DYNLT1: variants seen among roughly 807,000 people sequenced by gnomAD.
DYNLT1 encodes dynein light chain Tctex-type 1, also known as T-complex testis-specific protein 1 homolog.
DYNLT1 carries 18 observed loss-of-function variants against 19.6 expected under a neutral mutation model. That is an observed-to-expected ratio of 0.92 (90% CI 0.64 to 1.36). The LOEUF is 1.36. Ranked by LOEUF, DYNLT1 falls within the 40% of genes most tolerant of loss-of-function variation. The probability of loss-of-function intolerance (pLI) is 0.00; values close to 1 mark genes in which losing one functional copy is unlikely to be tolerated. For synonymous variants in DYNLT1, 56 were observed against 44.0 expected (o/e 1.27, Z -1.07); for missense variants, 137 against 139.3 (o/e 0.98, Z 0.08).
At chr6:158,643,254 TAGTAAC>T (rs1267235075) in intron 1 of DYNLT1, among the ~76,000 whole-genome samples, 2 of 152,216 alleles carry the variant, frequency 1.3e-5, no homozygotes, top group Non-Finnish European at 2.9e-5. Flanking sequence ...AATATTATAT[TAGTAAC>T]AGTTTAAGGG....
chr6:158,638,308 A>T (rs988914442), intron 2 of DYNLT1, among the ~76,000 whole-genome samples: 1 of 152,272 alleles, frequency 6.6e-6, no homozygotes, highest in Non-Finnish European at 1.5e-5. Flanking sequence ...AAATAATCAT[A>T]TATTAAAAAA....
intron 2 of DYNLT1, 47 bp from the exon 3 acceptor site, chr6:158,637,941 ACAC>A: frequency 6.3e-7 from 1 of 1,592,584 alleles, no homozygotes; most frequent in African/African-American, 1.3e-5. Context: ...AAATGCACCC[ACAC>A]CACCTTTCAA....
chr6:158,644,334 G>A (rs953667776), intron 1 of DYNLT1, among the ~76,000 whole-genome samples: 3 of 152,052 alleles, frequency 2.0e-5, no homozygotes, highest in African/African-American at 7.2e-5. Flanking sequence ...AGCAAGGGGC[G>A]GTGATGTCAT....
At chr6:158,638,194 A>C (rs1787062270) in intron 2 of DYNLT1, among the ~76,000 whole-genome samples, 1 of 152,052 alleles carries the variant, frequency 6.6e-6, no homozygotes, top group Non-Finnish European at 1.5e-5. Context: ...TTGCCTATTC[A>C]TTTCTTAAAA....
chr6:158,644,684 C>T lies in DYNLT1; in HGVS notation c.25G>A (p.Glu9Lys). The change falls in exon 1 of 5, where the codon GAG becomes AAG. Residue 9 changes from glutamate (E) to lysine (K), a missense_variant and splice_region_variant. Transcript: ENST00000367089. ...TCCGTCGCCGACCCGGCGGTTACCT[C>T]CTCCGCAGCCTGGTAGTCTTCCATC... MEDYQAAE[E>K]TAFVVDEVSN... 1 of 1,612,154 alleles carries T rather than the reference C, an allele frequency of 6.2e-7. No homozygotes were observed. The highest frequency in any genetic ancestry group is 1.7e-5 in the Admixed American group (1 of 60,020).
rs1474945204 is a variant in DYNLT1 at position 158,636,536 on chromosome 6, C to A, written c.*291G>T. The A allele has an allele frequency of 1.1e-5, 4 of 349,450 alleles. No homozygotes were observed. Among genetic ancestry groups the A allele is most frequent in the Non-Finnish European group, 2.1e-5 (4 of 186,248 alleles). 21.6% of individuals were successfully genotyped at this position (349,450 alleles called of 1,614,324 possible). ...GTATGGAAAATTAGTGTATTTGAAT[C>A]ATTTCAGAGAGTAGAGCAAGTTTCA... On this transcript the variant is annotated 3_prime_UTR_variant, in exon 5 of 5. Coordinates refer to ENST00000367089, the MANE Select transcript of DYNLT1 (RefSeq NM_006519.4).
chr6:158,637,943 A>G (rs767900629), intron 2 of DYNLT1, 49 bp from the exon 3 acceptor site: 7 of 1,591,902 alleles, frequency 4.4e-6, no homozygotes, highest in African/African-American at 4.0e-5. Flanking sequence ...ATGCACCCAC[A>G]CCACCTTTCA....
intron 2 of DYNLT1, 51 bp downstream of exon 2, chr6:158,641,268 T>C: frequency 1.3e-6 from 2 of 1,497,720 alleles, no homozygotes; most frequent in South Asian, 1.3e-5. Flanking sequence ...CACATTATTT[T>C]CTCTAATATA....
intron 1 of DYNLT1, chr6:158,641,637 T>C (rs561087358): frequency 3.6e-4 from 77 of 213,314 alleles, no homozygotes; most frequent in Non-Finnish European, 5.8e-4. Flanking sequence ...AGTGGCGCAA[T>C]CTCAGCTCAC....
At chr6:158,641,246 T>A in intron 2 of DYNLT1, 73 bp downstream of exon 2, 1 of 1,378,026 alleles carries the variant, frequency 7.3e-7, no homozygotes, top group African/African-American at 1.5e-5. Flanking sequence ...AATTCCAAGA[T>A]AGTATTTAAA....
At chr6:158,637,262 C>A in intron 3 of DYNLT1, 57 bp from the exon 4 acceptor site, 1 of 1,520,288 alleles carries the variant, frequency 6.6e-7, no homozygotes, top group Non-Finnish European at 9.1e-7. Flanking sequence ...AAATGTCATT[C>A]TGTCCACTTT....
At chr6:158,642,733 C>T (rs543289502) in intron 1 of DYNLT1, 6 of 152,268 alleles carry the variant, frequency 3.9e-5, no homozygotes, top group South Asian at 4.1e-4. Flanking sequence ...ACTACCGTGA[C>T]CTTAATCACA....
At chr6:158,643,770 T>A (rs1787231350) in intron 1 of DYNLT1, among the ~76,000 whole-genome samples, 1 of 152,226 alleles carries the variant, frequency 6.6e-6, no homozygotes, top group Non-Finnish European at 1.5e-5. Context: ...CGTGAGCCAC[T>A]GCGCCCAGCC....
chr6:158,643,626 C>G (rs960741707), intron 1 of DYNLT1, among the ~76,000 whole-genome samples: 7 of 152,152 alleles, frequency 4.6e-5, no homozygotes, highest in Non-Finnish European at 1.0e-4. Context: ...GGATTACAGG[C>G]ATGCGCCACC....
chr6:158,637,379 G>GACTT (rs904809280), intron 3 of DYNLT1, 174 bp from the exon 4 acceptor site: 2 of 642,412 alleles, frequency 3.1e-6, no homozygotes, highest in African/African-American at 3.7e-5. Context: ...GGTGCTCCTT[G>GACTT]ACTTACAACA....
rs749489347 is a variant in DYNLT1, at chr6:158,644,663, T to C, written c.27+19A>G. On this transcript the variant is annotated intron_variant, in intron 1 of 4. Transcript: ENST00000367089. ...AGGGCTCTAGGCCTCCACCCTTCCG[T>C]CGCCGACCCGGCGGTTACCTCCTCC... The C allele has an allele frequency of 1.2e-6, 2 of 1,611,906 alleles. No individual in the cohort carries two copies. Among genetic ancestry groups the C allele is most frequent in the South Asian group, 2.2e-5 (2 of 91,074 alleles).
At chr6:158,637,735 C>A (rs2306750) in intron 3 of DYNLT1, 36 bp downstream of exon 3, 24,291 of 1,613,922 alleles carry the variant, frequency 0.015, 1,019 homozygotes, top group African/African-American at 0.12. Context: ...GTTAAAAAAC[C>A]ATCCCGCAAA....
chr6:158,640,706 T>C (rs1251644889), intron 2 of DYNLT1, among the ~76,000 whole-genome samples: 1 of 152,178 alleles, frequency 6.6e-6, no homozygotes, highest in African/African-American at 2.4e-5. Flanking sequence ...GCACCACCAC[T>C]AGTGGCACTT....
At chr6:158,637,057 T>G in intron 4 of DYNLT1, 71 bp downstream of exon 4, 2 of 1,594,238 alleles carry the variant, frequency 1.3e-6, no homozygotes, top group Non-Finnish European at 1.7e-6. Flanking sequence ...ATGCATTGCA[T>G]TCAAAGATAG....
Sources: gnomAD v4.1 joint callset for allele counts (sites outside exome capture counted in the v4.1 genomes callset) on GRCh38, gnomAD v4.1.1 for gene constraint, MANE v1.5 for transcripts, NCBI Gene and HGNC (gene_info 2026-07-23, HGNC 2026-07-21) for gene names.